Variants in RPTOR observed in about 807,000 individuals in gnomAD.
The protein encoded by RPTOR is regulatory-associated protein of mTOR.
A neutral mutation model predicts 169.9 loss-of-function variants in RPTOR; 21 were observed. The observed-to-expected ratio is 0.12, with a 90% CI of 0.09 to 0.18. The LOEUF (loss-of-function observed/expected upper bound fraction) is 0.18, where lower values mean the gene tolerates loss of function less well. Ranked by LOEUF, RPTOR falls within the 10% of genes least tolerant of loss-of-function variation. The pLI is 1.00. For synonymous variants in RPTOR, 732 were observed against 753.2 expected (o/e 0.97, Z 0.46); for missense variants, 1,133 against 1,855.9 (o/e 0.61, Z 7.16).
intron 20 of RPTOR, among the ~76,000 whole-genome samples, chr17:80,899,549 C>G (rs2068449532): frequency 6.6e-6 from 1 of 152,248 alleles, no homozygotes; most frequent in Non-Finnish European, 1.5e-5. Context: ...CCAGTTCACG[C>G]TCATCAAGGT....
At chr17:80,859,038 CTGGGAGGGCGGCACCAAGCCTGGGT>C (rs2067888022) in intron 13 of RPTOR, among the ~76,000 whole-genome samples, 1 of 152,082 alleles carries the variant, frequency 6.6e-6, no homozygotes, top group South Asian at 2.1e-4. Context: ...GGCTGCAGGG[CTGGGAGGGCGGCACCAAGCCTGGGT>C]TGGGAGAGGC....
intron 3 of RPTOR, among the ~76,000 whole-genome samples, chr17:80,689,239 T>G (rs774322076): frequency 1.3e-5 from 2 of 152,254 alleles, no homozygotes; most frequent in African/African-American, 2.4e-5. Context: ...TTCACTTGTA[T>G]GTTCCCCTTG....
intron 17 of RPTOR, among the ~76,000 whole-genome samples, chr17:80,887,303 CGCTGGCTCTGAGGGGGTGT>C (rs2068259913): frequency 9.3e-6 from 1 of 107,358 alleles, no homozygotes; most frequent in Non-Finnish European, 1.7e-5. Context: ...TCGGGGGGTG[CGCTGGCTCTGAGGGGGTGT>C]GCTGACTCTG....
chr17:80,828,322 C>A (rs1023156446), intron 9 of RPTOR, among the ~76,000 whole-genome samples: 2 of 152,178 alleles, frequency 1.3e-5, no homozygotes, highest in Non-Finnish European at 2.9e-5. Context: ...ATGAGAAACC[C>A]GTGGCAGGTG....
In RPTOR at chr17:80,823,255, C is replaced by G. The variant is rs1190079263; in HGVS notation, c.1136+32C>G. 2.5e-6 allele frequency: 4 copies of G among 1,606,974 alleles called. No individual in the cohort carries two copies. In the African/African-American group the frequency reaches 5.3e-5, roughly 21 times the overall value. ...GTTTCAGGATCCTCCAGGTGCCGTG[C>G]TCCCCCGCCCTCCGTGGCACTGTGA... is the stretch of plus-strand genomic sequence containing the variant. On this transcript the variant is annotated intron_variant, in intron 9 of 33. Transcript: ENST00000306801. This position sits in a 1 kb window ranked among gnomAD's most constrained non-coding sequence, Gnocchi z 4.5.
intron 9 of RPTOR, among the ~76,000 whole-genome samples, chr17:80,828,984 A>G (rs1379211769): frequency 6.6e-6 from 1 of 152,248 alleles, no homozygotes; most frequent in Non-Finnish European, 1.5e-5. Context: ...ACACACAGCA[A>G]TAAAACACTA....
intron 20 of RPTOR, among the ~76,000 whole-genome samples, chr17:80,897,803 G>C (rs938998350): frequency 2.0e-5 from 3 of 152,210 alleles, no homozygotes; most frequent in Admixed American, 2.0e-4. Context: ...TGAGGCAGGA[G>C]AGTTGCTTGA....
chr17:80,777,702 G>C (rs565663519), intron 6 of RPTOR, among the ~76,000 whole-genome samples: 1 of 152,340 alleles, frequency 6.6e-6, no homozygotes, highest in South Asian at 2.1e-4. Flanking sequence ...TTTGACGCCT[G>C]CGCCGACTCC....
chr17:80,546,498 C>T (rs748038044), intron 1 of RPTOR, among the ~76,000 whole-genome samples: 1 of 144,236 alleles, frequency 6.9e-6, no homozygotes, highest in Non-Finnish European at 1.5e-5. Context: ...AGAAAACAGC[C>T]GAATTTTGTT....
intron 7 of RPTOR, among the ~76,000 whole-genome samples, chr17:80,798,719 C>G (rs9895861): frequency 0.21 from 32,555 of 152,132 alleles, 3,781 homozygotes; most frequent in African/African-American, 0.29. Flanking sequence ...AAGGCACTGC[C>G]TCCCTCCAGG....
rs572044716 is a variant in RPTOR, at chr17:80,685,762, G to A, written c.349-22079G>A. Reference sequence around the variant, plus strand: ...CAGCTGCTACTCCCCACATCGTGGGGTGCTTCCTTTGAGCTTCTTCCCAGC... The same window carrying A: ...CAGCTGCTACTCCCCACATCGTGGGATGCTTCCTTTGAGCTTCTTCCCAGC... On this transcript the variant is annotated intron_variant, in intron 3 of 33. Coordinates refer to ENST00000306801, the MANE Select transcript of RPTOR (RefSeq NM_020761.3). 1.7e-4 allele frequency among the ~76,000 whole-genome samples: 26 copies of A among 150,012 alleles called. No homozygotes were observed. In the East Asian group the frequency reaches 5.0e-3, roughly 29 times the overall value.
At chr17:80,639,608 GT>G (rs2143585658) in intron 2 of RPTOR, among the ~76,000 whole-genome samples, 1 of 152,300 alleles carries the variant, frequency 6.6e-6, no homozygotes, top group South Asian at 2.1e-4. Context: ...GAGGGGAGGG[GT>G]CAGCCTGCGC....
chr17:80,809,111 A>G (rs1598320738), intron 7 of RPTOR, among the ~76,000 whole-genome samples: 1 of 152,232 alleles, frequency 6.6e-6, no homozygotes, highest in Non-Finnish European at 1.5e-5. Flanking sequence ...TGGTTTGCTG[A>G]CCTGAGTTCC....
intron 31 of RPTOR, among the ~76,000 whole-genome samples, chr17:80,962,101 G>T (rs574124965): frequency 1.3e-5 from 2 of 152,166 alleles, no homozygotes; most frequent in Non-Finnish European, 2.9e-5. Context: ...TCTGTCTCCC[G>T]GGACTGCAGG....
chr17:80,595,547 C>T (rs538993368), intron 1 of RPTOR, among the ~76,000 whole-genome samples: 1 of 152,314 alleles, frequency 6.6e-6, no homozygotes, highest in Non-Finnish European at 1.5e-5. Context: ...CCTCAACCTC[C>T]TGGGCTCAGG....
At chr17:80,914,130 G>A (rs1181910733) in intron 21 of RPTOR, among the ~76,000 whole-genome samples, 1 of 152,252 alleles carries the variant, frequency 6.6e-6, no homozygotes, top group East Asian at 1.9e-4. Flanking sequence ...GATGGCAGTG[G>A]CAGCCAGTCT....
intron 3 of RPTOR, among the ~76,000 whole-genome samples, chr17:80,687,905 A>C (rs1248431289): frequency 5.9e-5 from 9 of 152,186 alleles, no homozygotes; most frequent in African/African-American, 1.9e-4. Context: ...CGCCGCTGGC[A>C]TACCCAGGTC....
chr17:80,732,186 A>AT (rs2066398611), intron 5 of RPTOR, among the ~76,000 whole-genome samples: 1 of 152,134 alleles, frequency 6.6e-6, no homozygotes, highest in Non-Finnish European at 1.5e-5. Flanking sequence ...ATTTTTTTAC[A>AT]TTTATAATAT....
At chr17:80,550,530 A>G (rs2143206862) in intron 1 of RPTOR, among the ~76,000 whole-genome samples, 1 of 152,038 alleles carries the variant, frequency 6.6e-6, no homozygotes, top group Admixed American at 6.5e-5. Context: ...TAAACCCCCA[A>G]TCTTTAGTTC....
Sources: allele counts gnomAD v4.1 joint callset (sites outside exome capture counted in the v4.1 genomes callset), GRCh38; gene constraint gnomAD v4.1.1; non-coding constraint Gnocchi (gnomAD v3.1); transcripts MANE v1.5; gene names NCBI Gene and HGNC (gene_info 2026-07-23, HGNC 2026-07-21).